MSI2: variants seen among roughly 807,000 people sequenced by gnomAD.
MSI2 encodes the protein RNA-binding protein Musashi homolog 2.
A neutral mutation model predicts 45.6 loss-of-function variants in MSI2; 17 were observed. The observed-to-expected ratio is 0.37, with a 90% CI of 0.26 to 0.56. MSI2 has a LOEUF of 0.56. Ranked by LOEUF, MSI2 falls within the 20% of genes least tolerant of loss-of-function variation. MSI2 has a pLI of 0.77. For synonymous variants in MSI2, 156 were observed against 158.2 expected (o/e 0.99, Z 0.11); for missense variants, 293 against 444.2 (o/e 0.66, Z 3.06).
At chr17:57,408,817 C>A (rs2084133875) in intron 6 of MSI2, among the ~76,000 whole-genome samples, 1 of 152,174 alleles carries the variant, frequency 6.6e-6, no homozygotes, top group African/African-American at 2.4e-5. Context: ...AAGCGCAGTT[C>A]ATTTAGACTT....
chr17:57,299,556 A>G (rs1911265103), intron 5 of MSI2, among the ~76,000 whole-genome samples: 1 of 152,196 alleles, frequency 6.6e-6, no homozygotes, highest in African/African-American at 2.4e-5. Flanking sequence ...CGGTCAGTGG[A>G]TCAGTTAGAA....
chr17:57,662,739 C>G (rs1912075887), intron 11 of MSI2, among the ~76,000 whole-genome samples: 1 of 152,192 alleles, frequency 6.6e-6, no homozygotes, highest in Admixed American at 6.5e-5. Flanking sequence ...GGAGATAACC[C>G]CAAATCATTT....
Position 57,650,759 on chromosome 17 carries a change from A to G in MSI2, c.728-1340A>G, listed in dbSNP as rs111464319. Among the ~76,000 whole-genome samples the G allele has an allele frequency of 5.7e-4, 87 of 152,208 alleles. 1 individual carries two copies. Among genetic ancestry groups the G allele is most frequent in the African/African-American group, 2.0e-3 (81 of 41,510 alleles). ...TCCCCCTTTGAACTTCTTTCCCTTC[A>G]GTAGTACCGTGTAGCTAGGACAATA... On this transcript the variant is annotated intron_variant, in intron 10 of 13. Coordinates refer to ENST00000284073, the MANE Select transcript of MSI2 (RefSeq NM_138962.4).
intron 6 of MSI2, among the ~76,000 whole-genome samples, chr17:57,423,527 C>A (rs2084434683): frequency 6.6e-6 from 1 of 152,198 alleles, no homozygotes; most frequent in Non-Finnish European, 1.5e-5. Flanking sequence ...TGCCTTTCCA[C>A]AATTGAAGTG....
At chr17:57,515,927 G>T (rs1231955168) in intron 6 of MSI2, among the ~76,000 whole-genome samples, 2 of 151,996 alleles carry the variant, frequency 1.3e-5, no homozygotes, top group Non-Finnish European at 2.9e-5. Context: ...TTTTAAAATA[G>T]TGTAGGACTC....
intron 6 of MSI2, among the ~76,000 whole-genome samples, chr17:57,415,374 ATGTGGGGT>A (rs2084275565): frequency 6.6e-6 from 1 of 152,032 alleles, no homozygotes; most frequent in African/African-American, 2.4e-5. Context: ...GTCGGGAATT[ATGTGGGGT>A]TGTGGGGGGA....
intron 8 of MSI2, among the ~76,000 whole-genome samples, chr17:57,610,415 G>C (rs1907132766): frequency 6.6e-6 from 1 of 151,984 alleles, no homozygotes; most frequent in African/African-American, 2.4e-5. Context: ...TCACGCCACT[G>C]CACTCCAGCC....
Position 57,596,900 on chromosome 17 carries a change from G to A in MSI2, c.487G>A (p.Val163Ile), listed in dbSNP as rs1462039030. 6.2e-7 allele frequency: 1 copy of A among 1,613,602 alleles called. No homozygotes were observed. Among genetic ancestry groups the A allele is most frequent in the Admixed American group, 1.7e-5 (1 of 60,014 alleles). The change falls in exon 8 of 14, where the codon GTT becomes ATT. Residue 163 changes from valine to isoleucine, a missense_variant. Transcript: ENST00000284073. This position sits in a 1 kb window ranked among gnomAD's most constrained non-coding sequence, Gnocchi z 4.6. Reference sequence around the variant, plus strand: ...CTTTGTCACTTTTGAGAATGAAGATGTTGTGGAGAAAGTCTGTGAGATTCA... The same window carrying A: ...CTTTGTCACTTTTGAGAATGAAGATATTGTGGAGAAAGTCTGTGAGATTCA... ...FGFVTFENED[V>I]VEKVCEIHFH...
chr17:57,430,224 C>T (rs749493336), intron 6 of MSI2, among the ~76,000 whole-genome samples: 61 of 152,092 alleles, frequency 4.0e-4, no homozygotes, highest in Non-Finnish European at 7.1e-4. Context: ...TGAAGTGATG[C>T]TCTTTTGATG....
intron 6 of MSI2, among the ~76,000 whole-genome samples, chr17:57,497,601 G>A (rs767073504): frequency 5.1e-4 from 78 of 152,306 alleles, no homozygotes; most frequent in Non-Finnish European, 8.4e-4. Flanking sequence ...ATGTTTTTCA[G>A]CTAGTCCTGT....
chr17:57,565,668 C>A (rs1351986333), intron 7 of MSI2, among the ~76,000 whole-genome samples: 1 of 113,696 alleles, frequency 8.8e-6, no homozygotes, highest in Non-Finnish European at 1.8e-5. Context: ...ACCCCCTCGA[C>A]TAACACCCAT....
chr17:57,452,238 T>C (rs535853500), intron 6 of MSI2, among the ~76,000 whole-genome samples: 113 of 152,352 alleles, frequency 7.4e-4, no homozygotes, highest in African/African-American at 2.6e-3. Context: ...GGTGGCTCTC[T>C]GGGCAATGCA....
intron 5 of MSI2, among the ~76,000 whole-genome samples, chr17:57,350,665 T>C (rs907038482): frequency 3.2e-4 from 49 of 152,150 alleles, no homozygotes; most frequent in African/African-American, 1.1e-3. Flanking sequence ...GCCCGGAAAG[T>C]GCTCAACCCC....
rs1338410594 is a variant in MSI2 at position 57,611,834 on chromosome 17, C to A, written c.538-4136C>A. The stretch of plus-strand genomic sequence containing the variant: ...CCTCTGGCCTCAGCCCCAGTCACCA[C>A]CTGACCACAGCGCCATGAGACCACC... On this transcript the variant is annotated intron_variant, in intron 8 of 13. Transcript: ENST00000284073. Among the ~76,000 whole-genome samples the A allele has an allele frequency of 2.1e-5, 2 of 95,184 alleles. 1 individual carries two copies. Among genetic ancestry groups the A allele is most frequent in the Admixed American group, 2.1e-4 (2 of 9,554 alleles). 62.4% of individuals were successfully genotyped at this position (95,184 alleles called of 152,430 possible). A position where few individuals can be genotyped will look rare whatever the true frequency, so the allele number is the denominator to read the frequency against.
intron 5 of MSI2, chr17:57,266,731 G>C (rs1165729901): frequency 6.6e-6 from 1 of 150,602 alleles, no homozygotes; most frequent in Admixed American, 6.6e-5. Flanking sequence ...TAATTGGAAT[G>C]TAAGCTCCCT....
intron 6 of MSI2, among the ~76,000 whole-genome samples, chr17:57,440,467 T>TGTGTGG (rs2084779162): frequency 7.1e-6 from 1 of 140,286 alleles, no homozygotes; most frequent in African/African-American, 2.7e-5. Context: ...TGTGTGTGTG[T>TGTGTGG]AGCGTGGCTG....
intron 5 of MSI2, among the ~76,000 whole-genome samples, chr17:57,272,727 C>G (rs1430278264): frequency 6.6e-6 from 1 of 152,188 alleles, no homozygotes; most frequent in Non-Finnish European, 1.5e-5. Context: ...CAGTTGCGAA[C>G]TAGTTTCAGA....
intron 5 of MSI2, among the ~76,000 whole-genome samples, chr17:57,275,789 A>G (rs1019647897): frequency 1.3e-5 from 2 of 152,218 alleles, no homozygotes; most frequent in Non-Finnish European, 2.9e-5. Context: ...AGTAGATTAC[A>G]TTGACTAATT....
the MSI2 span, among the ~76,000 whole-genome samples, chr17:57,699,283 G>GAGAGAC: frequency 6.6e-6 from 1 of 150,810 alleles, no homozygotes; most frequent in African/African-American, 2.4e-5. Context: ...CAGGGAGAGA[G>GAGAGAC]AGAGAGAGAG....
Sources: gnomAD v4.1 joint callset for allele counts (sites outside exome capture counted in the v4.1 genomes callset) on GRCh38, gnomAD v4.1.1 for gene constraint, Gnocchi (gnomAD v3.1) non-coding constraint, MANE v1.5 for transcripts, NCBI Gene and HGNC (gene_info 2026-07-23, HGNC 2026-07-21) for gene names.